VSTM2L: variants seen among roughly 807,000 people sequenced by gnomAD.
VSTM2L encodes V-set and transmembrane domain-containing protein 2-like protein.
Under a neutral mutation model 19.9 loss-of-function variants are expected in VSTM2L, and 9 were observed. The ratio of observed to expected loss-of-function variants is 0.45; its 90% CI spans 0.27 to 0.79. The LOEUF (loss-of-function observed/expected upper bound fraction) is 0.79, where lower values mean the gene tolerates loss of function less well. Ranked by LOEUF, VSTM2L falls within the 30% of genes least tolerant of loss-of-function variation. The probability of loss-of-function intolerance (pLI) is 0.15; values close to 1 mark genes in which losing one functional copy is unlikely to be tolerated. For synonymous variants in VSTM2L, 127 were observed against 133.8 expected, an observed-to-expected ratio of 0.95 and a Z score of 0.35; for missense variants, 286 against 295.5, an observed-to-expected ratio of 0.97 and a Z score of 0.24.
rs1289354266 is a variant in VSTM2L at position 37,938,562 on chromosome 20, C to G, written c.342+4973C>G. 3.9e-5 allele frequency among the ~76,000 whole-genome samples: 6 copies of G among 152,228 alleles called. No homozygotes were observed. The East Asian group carries it at 1.2e-3, about 29-fold the overall frequency. Reference sequence around the variant, plus strand: ...ACGATCCCAGCCTGCCCAATGTGAGCTGGCCTCGGAGTATCCCTGCAGTGC... The same window carrying G: ...ACGATCCCAGCCTGCCCAATGTGAGGTGGCCTCGGAGTATCCCTGCAGTGC... On this transcript the variant is annotated intron_variant, in intron 3 of 3. Transcript: ENST00000373461.
intron 1 of VSTM2L, among the ~76,000 whole-genome samples, chr20:37,929,612 G>T (rs1375934522): frequency 6.6e-6 from 1 of 152,192 alleles, no homozygotes; most frequent in Non-Finnish European, 1.5e-5. Context: ...TCTGGCTGCT[G>T]TGTGAAAATA....
chr20:37,942,837 A>T (rs2072980569), intron 3 of VSTM2L, among the ~76,000 whole-genome samples: 1 of 152,268 alleles, frequency 6.6e-6, no homozygotes, highest in Non-Finnish European at 1.5e-5. Context: ...CAAAAAGTCA[A>T]AGTACAAAGA....
chr20:37,926,486 T>C (rs886674108), intron 1 of VSTM2L, among the ~76,000 whole-genome samples: 11 of 152,168 alleles, frequency 7.2e-5, no homozygotes, highest in Middle Eastern at 3.4e-3. Flanking sequence ...GAGGTTGCAG[T>C]GAGCCGAGAT....
At position 37,932,728 on chromosome 20, in the gene VSTM2L, T is replaced by C. The variant is rs115105264; in HGVS notation, c.292-811T>C. ...TGGGATCACCTCCCAAATAAACTAC[T>C]TGACCTTTGTCTCAAGGTCAGCTCT... is the stretch of plus-strand genomic sequence containing the variant. On this transcript the variant is annotated intron_variant, in intron 2 of 3. Coordinates refer to ENST00000373461, the MANE Select transcript of VSTM2L (RefSeq NM_080607.3). Among the ~76,000 whole-genome samples the C allele has an allele frequency of 5.3e-3, 812 of 152,340 alleles. 7 individuals are homozygous for C. The highest frequency in any genetic ancestry group is 0.017 in the African/African-American group (695 of 41,568).
At chr20:37,906,276 A>T (rs2072751622) in intron 1 of VSTM2L, among the ~76,000 whole-genome samples, 1 of 152,164 alleles carries the variant, frequency 6.6e-6, no homozygotes, top group Non-Finnish European at 1.5e-5. Context: ...CACTCAAGGT[A>T]CTTGGAAGAG....
chr20:37,923,907 C>A (rs1434118960), intron 1 of VSTM2L, among the ~76,000 whole-genome samples: 1 of 152,206 alleles, frequency 6.6e-6, no homozygotes, highest in African/African-American at 2.4e-5. Context: ...CACACCCACT[C>A]CATAGCATCA....
intron 1 of VSTM2L, among the ~76,000 whole-genome samples, chr20:37,925,434 C>T (rs1033339797): frequency 6.6e-6 from 1 of 152,158 alleles, no homozygotes; most frequent in Admixed American, 6.5e-5. Flanking sequence ...GCAAGTCTGT[C>T]GGCAGAAACA....
At chr20:37,943,903 T>A (rs1230150259) in intron 3 of VSTM2L, 78 bp from the exon 4 acceptor site, 1 of 1,139,820 alleles carries the variant, frequency 8.8e-7, no homozygotes, top group Non-Finnish European at 1.2e-6. Context: ...GCATGCGATC[T>A]TGGGACCCCC....
chr20:37,945,106 G>C lies in VSTM2L; in HGVS notation c.*853G>C, dbSNP rs1298059742. The C allele has an allele frequency of 1.0e-6, 1 of 985,636 alleles. No individual in the cohort carries two copies. The highest frequency in any genetic ancestry group is 1.7e-5 in the African/African-American group (1 of 57,190). The allele number at this position is 985,636 out of a possible 1,614,324, so 61.1% of individuals were successfully genotyped here. ...GGGCCTGGGGCTGTTGGGAGCCAAG[G>C]GCCCCCTGGTACTCAGTTCCCTCAC... On this transcript the variant is annotated 3_prime_UTR_variant, in exon 4 of 4. Coordinates refer to ENST00000373461, the MANE Select transcript of VSTM2L (RefSeq NM_080607.3).
At chr20:37,903,857 C>A (rs1177251420) in intron 1 of VSTM2L, among the ~76,000 whole-genome samples, 1 of 152,240 alleles carries the variant, frequency 6.6e-6, no homozygotes, top group Non-Finnish European at 1.5e-5. Context: ...ACACGCACAT[C>A]AGGCACTGCG....
At chr20:37,935,552 C>T (rs368366168) in intron 3 of VSTM2L, among the ~76,000 whole-genome samples, 6 of 152,118 alleles carry the variant, frequency 3.9e-5, no homozygotes, top group African/African-American at 7.2e-5. Context: ...CAGGCTGGTC[C>T]GCCTGCCTGC....
At chr20:37,933,404 G>T (rs1166621333) in intron 2 of VSTM2L, 135 bp from the exon 3 acceptor site, 24 of 702,050 alleles carry the variant, frequency 3.4e-5, no homozygotes, top group Non-Finnish European at 5.0e-5. Flanking sequence ...CATGGCCCCC[G>T]AGCCTCATCT....
intron 1 of VSTM2L, among the ~76,000 whole-genome samples, chr20:37,905,315 T>G (rs1040543271): frequency 6.6e-6 from 1 of 152,186 alleles, no homozygotes; most frequent in Non-Finnish European, 1.5e-5. Context: ...ATGGTCGTTC[T>G]GTCCCTAGAG....
chr20:37,942,356 C>T (rs1047631636), intron 3 of VSTM2L, among the ~76,000 whole-genome samples: 3 of 152,194 alleles, frequency 2.0e-5, no homozygotes, highest in Admixed American at 6.5e-5. Context: ...GTGGCGGGTG[C>T]CTGTAATCCC....
intron 1 of VSTM2L, among the ~76,000 whole-genome samples, chr20:37,914,905 G>T (rs2072808420): frequency 6.6e-6 from 1 of 152,184 alleles, no homozygotes; most frequent in African/African-American, 2.4e-5. Flanking sequence ...CTTCCTCAGA[G>T]CCCCCAGGCT....
At chr20:37,939,415 T>C (rs2072958990) in intron 3 of VSTM2L, among the ~76,000 whole-genome samples, 1 of 151,004 alleles carries the variant, frequency 6.6e-6, no homozygotes, top group African/African-American at 2.4e-5. Context: ...CGAGACCCTG[T>C]CTCAAAAAAA....
chr20:37,938,409 C>T (rs2072952432), intron 3 of VSTM2L, among the ~76,000 whole-genome samples: 1 of 152,180 alleles, frequency 6.6e-6, no homozygotes, highest in African/African-American at 2.4e-5. Flanking sequence ...CAGCCTGGGG[C>T]AGGAGGCATC....
chr20:37,920,843 T>A (rs2072846295), intron 1 of VSTM2L, among the ~76,000 whole-genome samples: 1 of 152,248 alleles, frequency 6.6e-6, no homozygotes, highest in South Asian at 2.1e-4. Flanking sequence ...CCTATTGGTT[T>A]TTTCCTTAGA....
chr20:37,915,244 G>C (rs559359540), intron 1 of VSTM2L, among the ~76,000 whole-genome samples: 1 of 152,276 alleles, frequency 6.6e-6, no homozygotes, highest in African/African-American at 2.4e-5. Context: ...ATGGCCCTCA[G>C]ACACCCTCCA....
Sources: gnomAD v4.1 joint callset for allele counts (sites outside exome capture counted in the v4.1 genomes callset) on GRCh38, gnomAD v4.1.1 for gene constraint, MANE v1.5 for transcripts, NCBI Gene and HGNC (gene_info 2026-07-23, HGNC 2026-07-21) for gene names.